The following PTPRT variants were observed in gnomAD, a reference collection of about 807,000 sequenced individuals.
PTPRT encodes receptor-type tyrosine-protein phosphatase T.
In PTPRT, 56 loss-of-function variants were observed where a neutral mutation model predicts 176.8. That is an observed-to-expected ratio of 0.32 (90% confidence interval 0.26 to 0.40). PTPRT has a LOEUF of 0.40. PTPRT is among the 10% of genes least tolerant of loss of function. The probability of loss-of-function intolerance (pLI) is 1.00; values close to 1 mark genes in which losing one functional copy is unlikely to be tolerated. For missense variants in PTPRT, 1,540 were observed against 1,908.2 expected (o/e 0.81, Z 3.60); for synonymous variants, 783 against 739.0 (o/e 1.06, Z -0.96).
intron 1 of PTPRT, among the ~76,000 whole-genome samples, chr20:42,952,417 C>T (rs1417419934): frequency 6.6e-6 from 1 of 152,216 alleles, no homozygotes; most frequent in East Asian, 1.9e-4. Context: ...GAACTCTAAG[C>T]AAAACAGTGC....
chr20:42,780,080 T>A, intron 4 of PTPRT, 138 bp downstream of exon 4: 1 of 766,880 alleles, frequency 1.3e-6, no homozygotes, highest in Non-Finnish European at 2.2e-6. Flanking sequence ...ATTGAGTATG[T>A]AAGCATTTCT....
intron 7 of PTPRT, among the ~76,000 whole-genome samples, chr20:42,603,116 G>A (rs576995357): frequency 6.6e-6 from 1 of 152,310 alleles, no homozygotes; most frequent in South Asian, 2.1e-4. Context: ...TTCTCACGGA[G>A]CTTACAGTCT....
At chr20:42,291,114 T>C (rs1187150105) in intron 12 of PTPRT, among the ~76,000 whole-genome samples, 2 of 152,154 alleles carry the variant, frequency 1.3e-5, no homozygotes, top group Non-Finnish European at 2.9e-5. Context: ...GACCTCAGCG[T>C]CTTTCCATAG....
intron 1 of PTPRT, among the ~76,000 whole-genome samples, chr20:43,013,349 T>C (rs1985221921): frequency 6.6e-6 from 1 of 152,234 alleles, no homozygotes; most frequent in East Asian, 1.9e-4. Context: ...CATCAATGCA[T>C]TTTATTCACA....
chr20:42,063,299 C>A, the PTPRT span, among the ~76,000 whole-genome samples: 10 of 152,166 alleles, frequency 6.6e-5, no homozygotes, highest in Non-Finnish European at 1.3e-4. Flanking sequence ...TATGGTACCT[C>A]TCTGAGGATC....
chr20:42,572,356 T>C (rs1374104754), intron 7 of PTPRT, among the ~76,000 whole-genome samples: 2 of 152,136 alleles, frequency 1.3e-5, no homozygotes, highest in Non-Finnish European at 2.9e-5. Flanking sequence ...AAGAAAACTA[T>C]CCCTGCCCTG....
chr20:42,267,474 C>G (rs750058941), intron 13 of PTPRT, among the ~76,000 whole-genome samples: 1 of 152,168 alleles, frequency 6.6e-6, no homozygotes, highest in Non-Finnish European at 1.5e-5. Flanking sequence ...ACTTTTCTCA[C>G]GTGACTCTAA....
intron 7 of PTPRT, among the ~76,000 whole-genome samples, chr20:42,525,427 C>A (rs1036035758): frequency 2.6e-5 from 4 of 152,142 alleles, no homozygotes; most frequent in African/African-American, 9.7e-5. Context: ...ACTCAAGGTT[C>A]TTTTTATTGA....
At chr20:42,957,733 T>C (rs757469969) in intron 1 of PTPRT, among the ~76,000 whole-genome samples, 2 of 152,198 alleles carry the variant, frequency 1.3e-5, no homozygotes, top group Non-Finnish European at 2.9e-5. Flanking sequence ...TACCCATCTC[T>C]GGAAATTTTT....
rs757979979 is a variant in PTPRT, at chr20:42,865,285, C to T, written c.214+20522G>A. Among the ~76,000 whole-genome samples the T allele has an allele frequency of 3.9e-5, 6 of 152,224 alleles. No homozygotes were observed. The South Asian group carries it at 1.2e-3, about 32-fold the overall frequency. On this transcript the variant is annotated intron_variant, in intron 2 of 30. Transcript: ENST00000373187. Reference sequence around the variant, plus strand: ...ACTAAGCAACTTGCTTCAGGCCACACAGCAGGTCAGCAGCACAGCAGACCC... The same window carrying T: ...ACTAAGCAACTTGCTTCAGGCCACATAGCAGGTCAGCAGCACAGCAGACCC...
At chr20:42,446,171 A>G (rs868810250) in intron 9 of PTPRT, among the ~76,000 whole-genome samples, 1 of 152,198 alleles carries the variant, frequency 6.6e-6, no homozygotes, top group African/African-American at 2.4e-5. Flanking sequence ...CTACAGTAGT[A>G]GTTTCCAAAT....
chr20:42,373,188 T>C (rs1423394601), intron 9 of PTPRT, among the ~76,000 whole-genome samples: 1 of 152,196 alleles, frequency 6.6e-6, no homozygotes, highest in Non-Finnish European at 1.5e-5. Flanking sequence ...CTTCCAACTT[T>C]ACTGCTGAGG....
rs1983158769 is a variant in PTPRT, at chr20:42,080,007, C to G, written c.*872G>C. The G allele has an allele frequency of 4.3e-6, 1 of 232,098 alleles. No individual in the cohort carries two copies. Among genetic ancestry groups the G allele is most frequent in the African/African-American group, 2.2e-5 (1 of 45,376 alleles). The allele number at this position is 232,098 out of a possible 1,614,324, so 14.4% of individuals were successfully genotyped here. A position where few individuals can be genotyped will look rare whatever the true frequency, so the allele number is the denominator to read the frequency against. Reference sequence around the variant, plus strand: ...TTTCACATACACTTTGGAAAATAATCAAATCTTATCTTGTTTGTCTCTTCC... The same window carrying G: ...TTTCACATACACTTTGGAAAATAATGAAATCTTATCTTGTTTGTCTCTTCC... On this transcript the variant is annotated 3_prime_UTR_variant, in exon 31 of 31. Transcript: ENST00000373187.
At chr20:42,860,439 A>G (rs1263605103) in intron 2 of PTPRT, among the ~76,000 whole-genome samples, 1 of 152,206 alleles carries the variant, frequency 6.6e-6, no homozygotes, top group African/African-American at 2.4e-5. Flanking sequence ...ATTTTATAAC[A>G]TTGCTTATAC....
intron 27 of PTPRT, among the ~76,000 whole-genome samples, chr20:42,097,163 A>G (rs943975950): frequency 6.6e-6 from 1 of 152,170 alleles, no homozygotes; most frequent in African/African-American, 2.4e-5. Flanking sequence ...TGTCGCTTAC[A>G]AAGTAGAAGT....
chr20:43,070,198 C>A (rs2011161822), intron 1 of PTPRT, among the ~76,000 whole-genome samples: 1 of 152,158 alleles, frequency 6.6e-6, no homozygotes, highest in Non-Finnish European at 1.5e-5. Context: ...TCTTGACCAG[C>A]AGGTGACCAG....
intron 23 of PTPRT, among the ~76,000 whole-genome samples, chr20:42,108,144 A>T (rs180927413): frequency 6.6e-6 from 1 of 152,292 alleles, no homozygotes; most frequent in Admixed American, 6.5e-5. Context: ...ACTATCAATC[A>T]ATCAGCGGTG....
chr20:42,074,865 A>G lies in PTPRT; in HGVS notation c.*6014T>C. 2.5e-6 allele frequency: 1 copy of G among 398,634 alleles called. No homozygotes were observed. The highest frequency in any genetic ancestry group is 4.4e-6 in the Non-Finnish European group (1 of 226,080). 24.7% of individuals were successfully genotyped at this position (398,634 alleles called of 1,614,324 possible). ...TATAGTCAGTGCCATGCAAAAGCCC[A>G]TCCCTGGTTACTAAAAAACTAGAAG... On this transcript the variant is annotated 3_prime_UTR_variant, in exon 31 of 31. Transcript: ENST00000373187.
intron 17 of PTPRT, among the ~76,000 whole-genome samples, chr20:42,157,835 C>A (rs915011410): frequency 1.3e-5 from 2 of 152,222 alleles, no homozygotes; most frequent in Admixed American, 1.3e-4. Flanking sequence ...ATCTGGGGAG[C>A]TCACCTATGG....
Sources: gnomAD v4.1 joint callset for allele counts (sites outside exome capture counted in the v4.1 genomes callset) on GRCh38, gnomAD v4.1.1 for gene constraint, MANE v1.5 for transcripts, NCBI Gene and HGNC (gene_info 2026-07-23, HGNC 2026-07-21) for gene names.